PEX7: variants seen among roughly 807,000 people sequenced by gnomAD.
PEX7 encodes peroxisomal biogenesis factor 7, also known as PTS2 receptor.
PEX7 carries 34 observed loss-of-function variants against 47.5 expected under a neutral mutation model. That is an observed-to-expected ratio of 0.72 (90% CI 0.54 to 0.95). The LOEUF (loss-of-function observed/expected upper bound fraction) is 0.95, where lower values mean the gene tolerates loss of function less well. Ranked by LOEUF, PEX7 falls within the 40% of genes least tolerant of loss-of-function variation. PEX7 has a pLI of 0.00. For synonymous variants in PEX7, 141 were observed against 148.8 expected (o/e 0.95, Z 0.38); for missense variants, 394 against 400.3 (o/e 0.98, Z 0.13).
At chr6:136,838,348 A>G (rs1046084494) in intron 3 of PEX7, among the ~76,000 whole-genome samples, 3 of 152,234 alleles carry the variant, frequency 2.0e-5, no homozygotes, top group Admixed American at 6.5e-5. Flanking sequence ...CCATGAGGAA[A>G]CATTTGGGAT....
At chr6:136,897,674 T>C (rs566346295) in intron 8 of PEX7, among the ~76,000 whole-genome samples, 2 of 152,308 alleles carry the variant, frequency 1.3e-5, no homozygotes, top group Non-Finnish European at 2.9e-5. Context: ...TGTTGAAATT[T>C]AAATTAAGCC....
chr6:136,904,810 C>G lies in PEX7; in HGVS notation c.903+6569C>G, dbSNP rs1775817102. Among the ~76,000 whole-genome samples, 8 of 152,164 alleles carry G rather than the reference C, an allele frequency of 5.3e-5. No individual in the cohort carries two copies. In the South Asian group the frequency reaches 1.7e-3, roughly 32 times the overall value. On this transcript the variant is annotated intron_variant, in intron 9 of 9. Coordinates refer to ENST00000318471, the MANE Select transcript of PEX7 (RefSeq NM_000288.4). ...CAGCGTGAAAATGGACTAATACATA[C>G]CCCTTGCAATTATGGCATCCCTTCA... is the stretch of plus-strand genomic sequence containing the variant.
At chr6:136,856,906 G>T (rs1774871846) in intron 5 of PEX7, among the ~76,000 whole-genome samples, 1 of 151,796 alleles carries the variant, frequency 6.6e-6, no homozygotes, top group Admixed American at 6.5e-5. Context: ...CTTGTGAAAT[G>T]GATACAGTAA....
rs144837736 is a variant in PEX7, at chr6:136,901,855, G to A, written c.903+3614G>A. ...GGCTGGAGTGCAATGGCGTGATCTC[G>A]GCTCACTGCAGCCTCCGTCTTCTGG... On this transcript the variant is annotated intron_variant, in intron 9 of 9. Coordinates refer to ENST00000318471, the MANE Select transcript of PEX7 (RefSeq NM_000288.4). 4.4e-3 allele frequency among the ~76,000 whole-genome samples: 670 copies of A among 152,274 alleles called. 1 individual carries two copies. Among genetic ancestry groups the A allele is most frequent in the Non-Finnish European group, 7.0e-3 (474 of 68,020 alleles).
At chr6:136,843,837 G>A (rs1774546630) in intron 3 of PEX7, among the ~76,000 whole-genome samples, 1 of 152,112 alleles carries the variant, frequency 6.6e-6, no homozygotes, top group African/African-American at 2.4e-5. Flanking sequence ...TCTTTTGCGT[G>A]AATATGGGCA....
chr6:136,870,015 T>G lies in PEX7; in HGVS notation c.747+12T>G. 6.8e-7 allele frequency: 1 copy of G among 1,465,950 alleles called. No homozygotes were observed. The highest frequency in any genetic ancestry group is 9.6e-7 in the Non-Finnish European group (1 of 1,046,602). The allele number at this position is 1,465,950 out of a possible 1,614,324, so 90.8% of individuals were successfully genotyped here. On this transcript the variant is annotated intron_variant, in intron 7 of 9. Coordinates refer to ENST00000318471, the MANE Select transcript of PEX7 (RefSeq NM_000288.4). ...TTAGGAGGGTGAAAGTAAGTTTTCA[T>G]CTTTTCTTTTATATGTAGAATAAAA...
intron 3 of PEX7, chr6:136,830,104 T>C (rs1774267925): frequency 1.4e-6 from 1 of 693,362 alleles, no homozygotes; most frequent in Non-Finnish European, 2.6e-6. Context: ...AGCATGGTTT[T>C]AGTCAATCTT....
At chr6:136,852,346 A>G (rs1298085111) in intron 5 of PEX7, among the ~76,000 whole-genome samples, 7 of 138,536 alleles carry the variant, frequency 5.1e-5, no homozygotes, top group South Asian at 4.9e-4. Flanking sequence ...AGCGTATTCA[A>G]TTAGGAAAAG....
intron 5 of PEX7, among the ~76,000 whole-genome samples, chr6:136,848,143 T>G (rs9483955): frequency 0.64 from 96,823 of 151,850 alleles, 30,982 homozygotes; most frequent in African/African-American, 0.69. Flanking sequence ...TTGGCTCTCT[T>G]TTTGTCTGTT....
At chr6:136,862,070 AG>A (rs1774976306) in intron 5 of PEX7, among the ~76,000 whole-genome samples, 2 of 139,606 alleles carry the variant, frequency 1.4e-5, no homozygotes, top group Non-Finnish European at 3.1e-5. Flanking sequence ...ATATATATAT[AG>A]TTTTTTTTTT....
At chr6:136,823,440 T>G in intron 1 of PEX7, 1 of 796,848 alleles carries the variant, frequency 1.3e-6, no homozygotes, top group Non-Finnish European at 1.5e-6. Flanking sequence ...AGCCTGTGGT[T>G]AAAGCTGCTC....
intron 8 of PEX7, among the ~76,000 whole-genome samples, chr6:136,886,355 T>C (rs534017209): frequency 1.1e-4 from 17 of 152,272 alleles, no homozygotes; most frequent in African/African-American, 3.9e-4. Context: ...AAAAGCTGAC[T>C]CCTCTATTTA....
chr6:136,870,412 T>C (rs1775153060), intron 7 of PEX7, among the ~76,000 whole-genome samples: 1 of 152,236 alleles, frequency 6.6e-6, no homozygotes, highest in African/African-American at 2.4e-5. Context: ...CATGATAACA[T>C]ACATGACTGT....
intron 1 of PEX7, chr6:136,823,472 C>T (rs1006542258): frequency 5.8e-5 from 25 of 434,660 alleles, no homozygotes; most frequent in Non-Finnish European, 6.1e-6. Flanking sequence ...GCGGGAGGAT[C>T]GCTTGAGCCC....
At chr6:136,837,640 T>C (rs767849389) in intron 3 of PEX7, among the ~76,000 whole-genome samples, 9 of 152,158 alleles carry the variant, frequency 5.9e-5, no homozygotes, top group Non-Finnish European at 1.0e-4. Flanking sequence ...AGTCATTTAT[T>C]CCAGAGCTGA....
chr6:136,833,629 G>C lies in PEX7; in HGVS notation c.339+7160G>C, dbSNP rs184977868. On this transcript the variant is annotated intron_variant, in intron 3 of 9. Transcript: ENST00000318471. ...ATTCATTTTGGAATAGGTTACTGCA[G>C]TAAGATTTTATTACAATTGATAATA... Among the ~76,000 whole-genome samples the C allele has an allele frequency of 4.8e-4, 73 of 152,284 alleles. 1 individual carries two copies. The highest frequency in any genetic ancestry group is 3.4e-3 in the Middle Eastern group (1 of 292).
chr6:136,842,308 A>G (rs75387268), intron 3 of PEX7, among the ~76,000 whole-genome samples: 3,287 of 152,210 alleles, frequency 0.022, 128 homozygotes, highest in African/African-American at 0.074. Flanking sequence ...TTCCTTCTTT[A>G]TGATCCCATT....
chr6:136,861,833 A>T (rs1306056921), intron 5 of PEX7, among the ~76,000 whole-genome samples: 1 of 149,892 alleles, frequency 6.7e-6, no homozygotes, highest in Non-Finnish European at 1.5e-5. Context: ...ACACAGTGAG[A>T]CACATGGCCA....
chr6:136,832,764 A>G (rs1177178694), intron 3 of PEX7, among the ~76,000 whole-genome samples: 1 of 152,246 alleles, frequency 6.6e-6, no homozygotes, highest in African/African-American at 2.4e-5. Context: ...TCTCTAGGGC[A>G]GGGGCAAAAT....
Sources: allele counts gnomAD v4.1 joint callset (sites outside exome capture counted in the v4.1 genomes callset), GRCh38; gene constraint gnomAD v4.1.1; transcripts MANE v1.5; gene names NCBI Gene and HGNC (gene_info 2026-07-23, HGNC 2026-07-21).